REDIC1: variants seen among roughly 807,000 people sequenced by gnomAD.
The protein encoded by REDIC1 is HEI10 Interacting Protein 1.
chr12:39,901,880 G>C, the REDIC1 span, among the ~76,000 whole-genome samples: 1 of 151,108 alleles, frequency 6.6e-6, no homozygotes, highest in Non-Finnish European at 1.5e-5. Context: ...CTGCTATAAA[G>C]ACACATGCAC....
At chr12:39,872,558 G>C in the REDIC1 span, among the ~76,000 whole-genome samples, 1 of 152,184 alleles carries the variant, frequency 6.6e-6, no homozygotes, top group Non-Finnish European at 1.5e-5. Context: ...GGTGAGCTAA[G>C]TCTCTAGCAT....
the REDIC1 span, among the ~76,000 whole-genome samples, chr12:39,705,343 C>T: frequency 2.0e-5 from 3 of 151,976 alleles, no homozygotes; most frequent in Admixed American, 6.6e-5. Context: ...GAAATAAAGC[C>T]TGGGACTTGA....
chr12:39,641,033 G>T, the REDIC1 span: 1 of 1,531,714 alleles, frequency 6.5e-7, no homozygotes, highest in South Asian at 1.1e-5. Flanking sequence ...AGCCTTATGA[G>T]ACTAATAACC....
At chr12:39,800,254 C>T in the REDIC1 span, among the ~76,000 whole-genome samples, 16 of 152,144 alleles carry the variant, frequency 1.1e-4, no homozygotes, top group Non-Finnish European at 2.4e-4. Flanking sequence ...ACTAGAATCT[C>T]TTCTGAGAAT....
chr12:39,817,512 T>C, the REDIC1 span, among the ~76,000 whole-genome samples: 270 of 152,288 alleles, frequency 1.8e-3, 2 homozygotes, highest in Non-Finnish European at 2.9e-3. Context: ...ATGAAACTTT[T>C]GCATCATAAA....
the REDIC1 span, among the ~76,000 whole-genome samples, chr12:39,781,464 C>T: frequency 6.6e-6 from 1 of 152,206 alleles, no homozygotes; most frequent in Admixed American, 6.5e-5. Context: ...GGGGCTAGTA[C>T]AGTGACATGC....
At chr12:39,758,204 A>G in the REDIC1 span, 2 of 151,684 alleles carry the variant, frequency 1.3e-5, no homozygotes, top group Non-Finnish European at 3.0e-5. Context: ...ATATGAAATG[A>G]CCAAAGGGAG....
chr12:39,652,309 T>C, the REDIC1 span, among the ~76,000 whole-genome samples: 8 of 152,172 alleles, frequency 5.3e-5, no homozygotes, highest in Non-Finnish European at 8.8e-5. Flanking sequence ...TTAAAAAAAC[T>C]ACCGAACTAT....
chr12:39,856,579 G>A, the REDIC1 span, among the ~76,000 whole-genome samples: 1 of 152,122 alleles, frequency 6.6e-6, no homozygotes, highest in African/African-American at 2.4e-5. Flanking sequence ...GTGTTGGCCA[G>A]GATGGTCTCG....
chr12:39,646,803 A>T, the REDIC1 span: 1 of 1,381,332 alleles, frequency 7.2e-7, no homozygotes. Context: ...ATTTTATTTC[A>T]ATTTATATTT....
chr12:39,860,953 C>T, the REDIC1 span, among the ~76,000 whole-genome samples: 7 of 152,166 alleles, frequency 4.6e-5, no homozygotes, highest in Non-Finnish European at 8.8e-5. Context: ...CATGGATTTA[C>T]GTTCTTAGAC....
At chr12:39,720,924 TG>T in the REDIC1 span, 11 of 1,613,692 alleles carry the variant, frequency 6.8e-6, no homozygotes, top group Non-Finnish European at 9.3e-6. Context: ...TTAAAAACGA[TG>T]ACAAAATTCA....
At chr12:39,705,754 T>A in the REDIC1 span, among the ~76,000 whole-genome samples, 1 of 152,078 alleles carries the variant, frequency 6.6e-6, no homozygotes, top group Non-Finnish European at 1.5e-5. Context: ...TTTGATAAAA[T>A]TTAACATCCC....
chr12:39,628,891 A>G, the REDIC1 span, among the ~76,000 whole-genome samples: 4 of 152,216 alleles, frequency 2.6e-5, no homozygotes, highest in African/African-American at 4.8e-5. Flanking sequence ...AAACTGAAGC[A>G]TAGTTCATTA....
the REDIC1 span, among the ~76,000 whole-genome samples, chr12:39,851,181 T>C: frequency 6.6e-6 from 1 of 152,206 alleles, no homozygotes; most frequent in African/African-American, 2.4e-5. Context: ...ATTACAGGCA[T>C]GAGTCACCGT....
At chr12:39,848,752 C>G in the REDIC1 span, among the ~76,000 whole-genome samples, 1 of 152,146 alleles carries the variant, frequency 6.6e-6, no homozygotes, top group African/African-American at 2.4e-5. Flanking sequence ...TCCACAATAG[C>G]AAAGACATGG....
chr12:39,662,987 A>G, the REDIC1 span, among the ~76,000 whole-genome samples: 5 of 151,972 alleles, frequency 3.3e-5, no homozygotes, highest in Non-Finnish European at 7.4e-5. Context: ...CTTGATGATC[A>G]TGTATTATCT....
chr12:39,661,675 A>G, the REDIC1 span, among the ~76,000 whole-genome samples: 3 of 151,776 alleles, frequency 2.0e-5, no homozygotes, highest in Non-Finnish European at 2.9e-5. Flanking sequence ...CCACTTATCT[A>G]TTTTTTTCTT....
At chr12:39,721,666 A>G in the REDIC1 span, 1 of 156,668 alleles carries the variant, frequency 6.4e-6, no homozygotes. Flanking sequence ...GATATTTAAG[A>G]TAGAAAATAA....
Sources: gnomAD v4.1 joint callset for allele counts (sites outside exome capture counted in the v4.1 genomes callset) on GRCh38, gnomAD v4.1.1 for gene constraint, MANE v1.5 for transcripts, NCBI Gene and HGNC (gene_info 2026-07-23, HGNC 2026-07-21) for gene names.